BAZ1A: variants seen among roughly 807,000 people sequenced by gnomAD.
BAZ1A encodes bromodomain adjacent to zinc finger domain 1A, also known as bromodomain adjacent to zinc finger domain protein 1A.
A neutral mutation model predicts 185.2 loss-of-function variants in BAZ1A; 50 were observed. The observed-to-expected ratio is 0.27, with a 90% CI of 0.22 to 0.34. The LOEUF (loss-of-function observed/expected upper bound fraction) is 0.34, where lower values mean the gene tolerates loss of function less well. Among genes scored for constraint, BAZ1A ranks in the 10% least tolerant of loss-of-function variants. BAZ1A has a pLI of 1.00. For synonymous variants in BAZ1A, 571 were observed against 615.6 expected (o/e 0.93, Z 1.07); for missense variants, 1,356 against 1,839.9 (o/e 0.74, Z 4.81).
In BAZ1A at chr14:34,762,059, C is replaced by T. The variant is rs1046783872; in HGVS notation, c.3941G>A (p.Ser1314Asn). The change falls in exon 24 of 27, where the codon AGC (serine) becomes AAC (asparagine). Residue 1314 changes from serine (S) to asparagine (N), a missense_variant. This residue lies in a region of BAZ1A where 309 missense variants were observed against 355.3 expected (regional missense o/e 0.87). Coordinates refer to ENST00000360310, the MANE Select transcript of BAZ1A (RefSeq NM_013448.3). ...KTTVSSKTGR[S>N]LRKINSAPPT... is the part of the protein sequence containing the mutation. ...AGGAGCAGAGTTTATCTTTCTTAGGCTTCTACCAGTTTTAGAAGAAACAGT... is the reference window on the plus strand; with the variant it reads ...AGGAGCAGAGTTTATCTTTCTTAGGTTTCTACCAGTTTTAGAAGAAACAGT... The T allele has an allele frequency of 1.2e-6, 2 of 1,614,148 alleles. No homozygotes were observed. Among genetic ancestry groups the T allele is most frequent in the South Asian group, 1.1e-5 (1 of 91,086 alleles).
intron 3 of BAZ1A, among the ~76,000 whole-genome samples, chr14:34,857,664 C>G (rs1048256618): frequency 6.6e-6 from 1 of 152,198 alleles, no homozygotes; most frequent in African/African-American, 2.4e-5. Context: ...ATTCAAAGTT[C>G]TTATCTGCAC....
At chr14:34,771,721 C>A in intron 20 of BAZ1A, 62 bp from the exon 21 acceptor site, 2 of 1,495,820 alleles carry the variant, frequency 1.3e-6, no homozygotes, top group South Asian at 1.2e-5. Flanking sequence ...AAACTTGAGT[C>A]CATTCATTGG....
At chr14:34,775,792 G>T in intron 18 of BAZ1A, 127 bp downstream of exon 18, 1 of 704,524 alleles carries the variant, frequency 1.4e-6, no homozygotes, top group Non-Finnish European at 2.3e-6. Flanking sequence ...AAACTAAAAG[G>T]ACAGCCTAAA....
chr14:34,864,691 C>T (rs1000637043), intron 2 of BAZ1A, among the ~76,000 whole-genome samples: 3 of 150,134 alleles, frequency 2.0e-5, no homozygotes, highest in South Asian at 2.1e-4. Context: ...ATGTTGGTCT[C>T]GAACTCCTGA....
intron 2 of BAZ1A, among the ~76,000 whole-genome samples, chr14:34,866,647 A>AT (rs2042866584): frequency 6.6e-6 from 1 of 152,054 alleles, no homozygotes; most frequent in Non-Finnish European, 1.5e-5. Context: ...ATACATATTA[A>AT]TACCTGTATA....
In BAZ1A at chr14:34,753,537, G is replaced by A. The variant is rs1052134991; in HGVS notation, c.4642C>T (p.Pro1548Ser). 20 of 1,613,942 alleles carry A rather than the reference G, an allele frequency of 1.2e-5. No individual in the cohort carries two copies. In the Admixed American group the frequency reaches 2.3e-4, roughly 19 times the overall value. ...ATTCGTGACTTTTTCGCAGCCGGTG[G>A]TGTGCTAACTTGGTCCACATTACTG... ...TPSNVDQVST[P>S]PAAKKSRI Residue 1548 changes from proline to serine, a missense_variant, in exon 27 of 27, where the codon CCA (proline) becomes TCA (serine). Pro to Ser is a moderately conservative substitution (Grantham distance 74, BLOSUM62 -1). Transcript: ENST00000360310.
chr14:34,755,954 G>T (rs769825911), intron 25 of BAZ1A, among the ~76,000 whole-genome samples: 3 of 150,502 alleles, frequency 2.0e-5, no homozygotes, highest in Non-Finnish European at 3.0e-5. Context: ...CCAAGTAACT[G>T]AGACTAAAGT....
chr14:34,801,202 C>T lies in BAZ1A; in HGVS notation c.862-9G>A. On this transcript the variant is annotated splice_polypyrimidine_tract_variant and intron_variant, in intron 7 of 26. Coordinates refer to ENST00000360310, the MANE Select transcript of BAZ1A (RefSeq NM_013448.3). The stretch of plus-strand genomic sequence containing the variant: ...TTAGCAACATTGTCCTCCTAAAAAA[C>T]AAACCAAAATAGTATGCCTGGTTCT... 6.3e-7 allele frequency: 1 copy of T among 1,584,892 alleles called. No homozygotes were observed. The highest frequency in any genetic ancestry group is 1.8e-5 in the Admixed American group (1 of 56,502).
intron 2 of BAZ1A, among the ~76,000 whole-genome samples, chr14:34,862,796 A>AG (rs2042790305): frequency 6.6e-6 from 1 of 150,690 alleles, no homozygotes; most frequent in Non-Finnish European, 1.5e-5. Context: ...AAAAAAAAAA[A>AG]GAGGAAAAGA....
chr14:34,824,441 A>G (rs1310408523), intron 4 of BAZ1A, among the ~76,000 whole-genome samples: 1 of 149,440 alleles, frequency 6.7e-6, no homozygotes, highest in African/African-American at 2.5e-5. Flanking sequence ...GAGATGTATC[A>G]AAAGACTTAT....
chr14:34,824,660 A>G (rs1199201210), intron 4 of BAZ1A, among the ~76,000 whole-genome samples: 1 of 152,198 alleles, frequency 6.6e-6, no homozygotes, highest in African/African-American at 2.4e-5. Flanking sequence ...CTCAAATGCT[A>G]GTTATAGCTA....
chr14:34,872,574 C>T (rs939504505), intron 2 of BAZ1A, among the ~76,000 whole-genome samples: 4 of 152,082 alleles, frequency 2.6e-5, no homozygotes, highest in Non-Finnish European at 5.9e-5. Flanking sequence ...GCACTCCAGC[C>T]TGGGCGACAG....
chr14:34,768,471 A>G (rs10147194), intron 21 of BAZ1A, among the ~76,000 whole-genome samples: 21,284 of 152,164 alleles, frequency 0.14, 1,627 homozygotes, highest in South Asian at 0.3. Context: ...CTATATGCCA[A>G]TTTAGAAGAG....
chr14:34,779,208 G>A (rs759279301), intron 17 of BAZ1A, among the ~76,000 whole-genome samples: 2 of 151,882 alleles, frequency 1.3e-5, no homozygotes, highest in Admixed American at 6.6e-5. Flanking sequence ...CTTCAGATTT[G>A]GGGGGATTAT....
At chr14:34,827,606 G>A (rs909334366) in intron 3 of BAZ1A, among the ~76,000 whole-genome samples, 30 of 151,836 alleles carry the variant, frequency 2.0e-4, no homozygotes, top group African/African-American at 6.8e-4. Flanking sequence ...GTGGTGGCGG[G>A]TGCCTGTAGT....
intron 12 of BAZ1A, among the ~76,000 whole-genome samples, chr14:34,791,141 G>GAA (rs398070467): frequency 7.5e-6 from 1 of 133,786 alleles, no homozygotes. Flanking sequence ...AAAGAAAAGA[G>GAA]AAGAGAAAAG....
intron 23 of BAZ1A, 84 bp downstream of exon 23, chr14:34,764,623 C>G (rs1232541657): frequency 9.9e-6 from 15 of 1,510,092 alleles, no homozygotes; most frequent in Non-Finnish European, 1.3e-5. Flanking sequence ...GTTACAGACC[C>G]TAACTATTCC....
In BAZ1A at chr14:34,776,034, T is replaced by C. The variant is rs760565505; in HGVS notation, c.2718A>G (p.Glu906=). Residue 906 remains glutamate (E), a synonymous_variant, in exon 18 of 27, where the codon GAA becomes GAG. Coordinates refer to ENST00000360310, the MANE Select transcript of BAZ1A (RefSeq NM_013448.3). ...SSCEQLDQLI[E]ALNSRGHRES... ...CTCTATGTCCTCTAGAATTAAGAGC[T>C]TCAATAAGCTGGTCTAGCTGTTCAC... The C allele has an allele frequency of 1.9e-6, 3 of 1,614,092 alleles. No individual in the cohort carries two copies. The highest frequency in any genetic ancestry group is 1.7e-5 in the Admixed American group (1 of 60,002).
intron 3 of BAZ1A, among the ~76,000 whole-genome samples, chr14:34,839,276 T>C (rs529711876): frequency 1.2e-4 from 18 of 152,276 alleles, no homozygotes; most frequent in African/African-American, 4.1e-4. Context: ...CCGGGCGCAG[T>C]GGCACACGCC....
Sources: gnomAD v4.1 joint callset for allele counts (sites outside exome capture counted in the v4.1 genomes callset) on GRCh38, gnomAD v4.1.1 for gene constraint, gnomAD v4.1.1 regional missense constraint, MANE v1.5 for transcripts, NCBI Gene and HGNC (gene_info 2026-07-23, HGNC 2026-07-21) for gene names.